The following CREB5 variants were observed in gnomAD, a reference collection of about 807,000 sequenced individuals.
CREB5 encodes cAMP responsive element binding protein 5.
A neutral mutation model predicts 57.1 loss-of-function variants in CREB5; 19 were observed. The observed-to-expected ratio is 0.33, with a 90% CI of 0.23 to 0.49. The LOEUF (loss-of-function observed/expected upper bound fraction) is 0.49. Ranked by LOEUF, CREB5 falls within the 20% of genes least tolerant of loss-of-function variation. The pLI is 0.99. For missense variants in CREB5, 579 were observed against 671.6 expected, an observed-to-expected ratio of 0.86 and a Z score of 1.52; for synonymous variants, 238 against 238.3, an observed-to-expected ratio of 1.00 and a Z score of 0.01.
At chr7:28,595,147 G>A (rs971905158) in intron 5 of CREB5, among the ~76,000 whole-genome samples, 1 of 152,084 alleles carries the variant, frequency 6.6e-6, no homozygotes, top group Non-Finnish European at 1.5e-5. Flanking sequence ...AATGTGGTAT[G>A]GTGATTTTCC....
chr7:28,369,074 A>AAAAT (rs1381314289), intron 1 of CREB5, among the ~76,000 whole-genome samples: 1 of 152,112 alleles, frequency 6.6e-6, no homozygotes, highest in African/African-American at 2.4e-5. Context: ...ACAAACAAAC[A>AAAAT]AAATAAATTG....
intron 1 of CREB5, among the ~76,000 whole-genome samples, chr7:28,444,855 T>C (rs906682634): frequency 1.3e-5 from 2 of 152,210 alleles, no homozygotes; most frequent in African/African-American, 4.8e-5. Context: ...GGGGATGTGA[T>C]GACTCTTGTG....
chr7:28,597,851 A>G (rs1415436724), intron 5 of CREB5, among the ~76,000 whole-genome samples: 1 of 152,214 alleles, frequency 6.6e-6, no homozygotes, highest in African/African-American at 2.4e-5. Context: ...ATTTGTCATC[A>G]GACCTTTTCC....
intron 5 of CREB5, among the ~76,000 whole-genome samples, chr7:28,622,729 T>C (rs1450701154): frequency 1.3e-5 from 2 of 152,068 alleles, no homozygotes; most frequent in Non-Finnish European, 2.9e-5. Context: ...CAAGTTAAAA[T>C]ATTCCCACCA....
intron 1 of CREB5, among the ~76,000 whole-genome samples, chr7:28,381,733 T>C (rs556261507): frequency 4.6e-5 from 7 of 152,248 alleles, no homozygotes; most frequent in Admixed American, 3.9e-4. Flanking sequence ...GCTGAGAAAG[T>C]AATCACTCCT....
chr7:28,469,618 G>A (rs979292967), intron 1 of CREB5, among the ~76,000 whole-genome samples: 6 of 152,156 alleles, frequency 3.9e-5, no homozygotes, highest in African/African-American at 1.4e-4. Flanking sequence ...ATATTTACAT[G>A]ATTATAGAAC....
chr7:28,698,662 C>A (rs1218297221), intron 5 of CREB5, among the ~76,000 whole-genome samples: 1 of 152,126 alleles, frequency 6.6e-6, no homozygotes, highest in East Asian at 1.9e-4. Flanking sequence ...GAGAACTATT[C>A]ATTGGTTTAT....
chr7:28,616,469 T>C (rs1797600407), intron 5 of CREB5, among the ~76,000 whole-genome samples: 2 of 152,176 alleles, frequency 1.3e-5, no homozygotes, highest in South Asian at 2.1e-4. Context: ...AGATGCCTTT[T>C]TTTTTTAACC....
chr7:28,330,187 A>T (rs1269398133), intron 1 of CREB5, among the ~76,000 whole-genome samples: 2 of 152,164 alleles, frequency 1.3e-5, no homozygotes, highest in African/African-American at 2.4e-5. Flanking sequence ...GTTGCATGTG[A>T]TATTTCCTGT....
chr7:28,628,580 T>A (rs1798089341), intron 5 of CREB5, among the ~76,000 whole-genome samples: 1 of 152,088 alleles, frequency 6.6e-6, no homozygotes, highest in Non-Finnish European at 1.5e-5. Flanking sequence ...GAAGAAAGTG[T>A]AAATTTCAAG....
At chr7:28,450,614 C>T (rs566774758) in intron 1 of CREB5, among the ~76,000 whole-genome samples, 1 of 152,328 alleles carries the variant, frequency 6.6e-6, no homozygotes, top group South Asian at 2.1e-4. Context: ...GCTGAATCCA[C>T]TTGGCTGGAT....
At chr7:28,809,524 C>A in intron 9 of CREB5, 110 bp downstream of exon 9, 1 of 962,774 alleles carries the variant, frequency 1.0e-6, no homozygotes, top group Non-Finnish European at 1.5e-6. Flanking sequence ...ACACTTAGTC[C>A]ACAGAGGAGC....
chr7:28,567,411 T>C (rs1189352789), intron 4 of CREB5, among the ~76,000 whole-genome samples: 1 of 152,230 alleles, frequency 6.6e-6, no homozygotes, highest in African/African-American at 2.4e-5. Flanking sequence ...ATATGGAATA[T>C]TCTAGGAATG....
chr7:28,763,729 C>T (rs1484131360), intron 7 of CREB5, among the ~76,000 whole-genome samples: 1 of 152,020 alleles, frequency 6.6e-6, no homozygotes, highest in African/African-American at 2.4e-5. Context: ...TTTCCATTAG[C>T]AAAGTTTCCT....
chr7:28,661,151 T>C (rs1218987145), intron 5 of CREB5, among the ~76,000 whole-genome samples: 1 of 152,184 alleles, frequency 6.6e-6, no homozygotes, highest in African/African-American at 2.4e-5. Flanking sequence ...CTCTTGCTTC[T>C]GGTATTTTTC....
At chr7:28,819,038 G>A (rs928686800) in intron 10 of CREB5, 78 bp from the exon 11 acceptor site, 8 of 1,434,146 alleles carry the variant, frequency 5.6e-6, no homozygotes, top group Non-Finnish European at 6.6e-6. Context: ...TTTCTCTGAG[G>A]AGTCCACAAG....
intron 4 of CREB5, among the ~76,000 whole-genome samples, chr7:28,510,191 C>T (rs1792649484): frequency 6.6e-6 from 1 of 152,252 alleles, no homozygotes; most frequent in Admixed American, 6.5e-5. Flanking sequence ...TGTCAACATC[C>T]TTGGCATCCT....
At chr7:28,532,120 G>A (rs1053362688) in intron 4 of CREB5, among the ~76,000 whole-genome samples, 1 of 152,206 alleles carries the variant, frequency 6.6e-6, no homozygotes, top group Non-Finnish European at 1.5e-5. Context: ...GGGTTCTGTA[G>A]GGGTTGGGGA....
intron 1 of CREB5, among the ~76,000 whole-genome samples, chr7:28,420,616 G>A (rs1788205970): frequency 6.6e-6 from 1 of 151,970 alleles, no homozygotes; most frequent in African/African-American, 2.4e-5. Context: ...AGACCAGCCT[G>A]GCCAATATGG....
Sources: allele counts gnomAD v4.1 joint callset (sites outside exome capture counted in the v4.1 genomes callset), GRCh38; gene constraint gnomAD v4.1.1; transcripts MANE v1.5; gene names NCBI Gene and HGNC (gene_info 2026-07-23, HGNC 2026-07-21).